ELOVL2: variants seen among roughly 807,000 people sequenced by gnomAD.
ELOVL2 encodes very long chain fatty acid elongase 2.
In ELOVL2, 38 loss-of-function variants were observed where a neutral mutation model predicts 37.7. That is an observed-to-expected ratio of 1.01 (90% CI 0.78 to 1.32). ELOVL2 has a LOEUF of 1.32. Ranked by LOEUF, ELOVL2 falls within the 40% of genes most tolerant of loss-of-function variation. The pLI, the probability that ELOVL2 is intolerant of heterozygous loss-of-function variation, is 0.00. For missense variants in ELOVL2, 352 were observed against 363.6 expected, an observed-to-expected ratio of 0.97 and a Z score of 0.26; for synonymous variants, 115 against 122.3, an observed-to-expected ratio of 0.94 and a Z score of 0.40.
At chr6:11,012,876 G>C (rs762928680) in intron 1 of ELOVL2, among the ~76,000 whole-genome samples, 1 of 152,156 alleles carries the variant, frequency 6.6e-6, no homozygotes, top group Non-Finnish European at 1.5e-5. Flanking sequence ...AGTGGAGAGA[G>C]AGTAATACAC....
At chr6:11,017,373 C>G (rs1782699781) in intron 1 of ELOVL2, among the ~76,000 whole-genome samples, 1 of 152,162 alleles carries the variant, frequency 6.6e-6, no homozygotes, top group African/African-American at 2.4e-5. Flanking sequence ...AGCCTTCAGA[C>G]TGAAGGGTTT....
At chr6:11,022,162 A>G (rs1323064208) in intron 1 of ELOVL2, among the ~76,000 whole-genome samples, 1 of 152,202 alleles carries the variant, frequency 6.6e-6, no homozygotes, top group African/African-American at 2.4e-5. Context: ...AACAGAAAAG[A>G]GGAGAAAGGT....
chr6:11,028,757 G>A (rs1318931311), intron 1 of ELOVL2, among the ~76,000 whole-genome samples: 1 of 151,960 alleles, frequency 6.6e-6, no homozygotes, highest in Non-Finnish European at 1.5e-5. Context: ...ACCAGCCATT[G>A]TACTGGGCAC....
At chr6:11,006,951 C>A (rs1392546780) in intron 2 of ELOVL2, among the ~76,000 whole-genome samples, 1 of 152,218 alleles carries the variant, frequency 6.6e-6, no homozygotes, top group Admixed American at 6.5e-5. Flanking sequence ...ATATGCATAG[C>A]AAGACAATTA....
At chr6:10,990,667 G>GCCCCCCCCCC (rs372558428) in intron 5 of ELOVL2, among the ~76,000 whole-genome samples, 3 of 143,116 alleles carry the variant, frequency 2.1e-5, no homozygotes, top group African/African-American at 7.8e-5. Context: ...TTTTCAGAAT[G>GCCCCCCCCCC]CCCCCCCCCC....
Position 10,989,761 on chromosome 6 carries a change from A to G in ELOVL2, c.707T>C (p.Ile236Thr). 1 of 1,614,190 alleles carries G rather than the reference A, an allele frequency of 6.2e-7. No homozygotes were observed. Among genetic ancestry groups the G allele is most frequent in the Non-Finnish European group, 8.5e-7 (1 of 1,180,000 alleles). Residue 236 changes from isoleucine to threonine, a missense_variant, in exon 7 of 8, where the codon ATC becomes ACC. Transcript: ENST00000354666. ...KPCGFPFGCL[I>T]FQSSYMLTLV... Reference sequence around the variant, plus strand: ...CGTTAGCATATAAGATGACTGGAAGATGAGACAACCGAAGGGGAAGCCACA... The same window carrying G: ...CGTTAGCATATAAGATGACTGGAAGGTGAGACAACCGAAGGGGAAGCCACA...
rs995630399 is a variant in ELOVL2, at chr6:11,044,271, G to T, written c.-41C>A. On this transcript the variant is annotated 5_prime_UTR_variant, in exon 1 of 8. Coordinates refer to ENST00000354666, the MANE Select transcript of ELOVL2 (RefSeq NM_017770.4). This position sits in a 1 kb window ranked among gnomAD's most constrained non-coding sequence, Gnocchi z 5.6. The stretch of plus-strand genomic sequence containing the variant: ...TGGCGCGGCGACCCGGGCGGGCGGC[G>T]ATGCGCTGTCCAGGGTAGCCGGGTC... 1.5e-6 allele frequency: 2 copies of T among 1,317,626 alleles called. No individual in the cohort carries two copies. Among genetic ancestry groups the T allele is most frequent in the African/African-American group, 1.5e-5 (1 of 65,032 alleles). 81.6% of individuals were successfully genotyped at this position (1,317,626 alleles called of 1,614,324 possible).
intron 1 of ELOVL2, among the ~76,000 whole-genome samples, chr6:11,042,001 A>ATTT (rs34988678): frequency 7.4e-6 from 1 of 134,676 alleles, no homozygotes; most frequent in East Asian, 2.1e-4. Context: ...CTCCCTGCCC[A>ATTT]TTTTTTTTTT....
At chr6:10,995,237 C>G (rs1355114034) in intron 4 of ELOVL2, 59 bp from the exon 5 acceptor site, 9 of 1,329,020 alleles carry the variant, frequency 6.8e-6, no homozygotes, top group Non-Finnish European at 9.4e-6. Flanking sequence ...CTGGTGCTGC[C>G]CCACTGCTCG....
chr6:11,000,649 A>G (rs1229995278), intron 3 of ELOVL2, among the ~76,000 whole-genome samples: 1 of 152,182 alleles, frequency 6.6e-6, no homozygotes, highest in African/African-American at 2.4e-5. Flanking sequence ...CATTTTCTTC[A>G]CTGTATTTAT....
rs778570162 is a variant in ELOVL2 at position 10,983,759 on chromosome 6, GT to G, written c.*21del. On this transcript the variant is annotated 3_prime_UTR_variant, in exon 8 of 8. Coordinates refer to ENST00000354666, the MANE Select transcript of ELOVL2 (RefSeq NM_017770.4). ...AAGCCAATCTGTTAGGCTAGTATAT[GT>G]GCTTTTTCTGTTACTCATTTTTATT... The G allele has an allele frequency of 1.9e-6, 3 of 1,593,712 alleles. No homozygotes were observed. The Admixed American group carries it at 5.4e-5, about 29-fold the overall frequency.
intron 2 of ELOVL2, 123 bp from the exon 3 acceptor site, chr6:11,005,682 G>T (rs979724760): frequency 3.8e-6 from 3 of 782,516 alleles, no homozygotes; most frequent in African/African-American, 3.5e-5. Flanking sequence ...TACAACATTA[G>T]GTAGGCTGGC....
chr6:10,986,618 T>C (rs1014088358), intron 7 of ELOVL2, among the ~76,000 whole-genome samples: 46 of 152,324 alleles, frequency 3.0e-4, no homozygotes, highest in Non-Finnish European at 5.6e-4. Context: ...ATGTGGTTTT[T>C]GTCTTTGGTT....
intron 1 of ELOVL2, among the ~76,000 whole-genome samples, chr6:11,022,160 AGAG>A (rs1782773682): frequency 6.7e-6 from 1 of 149,964 alleles, no homozygotes; most frequent in African/African-American, 2.5e-5. Flanking sequence ...AGAACAGAAA[AGAG>A]GAGAAAGGTA....
intron 5 of ELOVL2, among the ~76,000 whole-genome samples, chr6:10,994,483 A>AGGAAAAG (rs1554111122): frequency 4.8e-5 from 7 of 146,092 alleles, no homozygotes. Flanking sequence ...AAAAAAAAAA[A>AGGAAAAG]GAACAAATAT....
At chr6:11,020,824 C>T (rs921635043) in intron 1 of ELOVL2, among the ~76,000 whole-genome samples, 6 of 152,134 alleles carry the variant, frequency 3.9e-5, no homozygotes, top group Admixed American at 1.3e-4. Flanking sequence ...CAGTGACAAA[C>T]TCATTATTTT....
intron 7 of ELOVL2, among the ~76,000 whole-genome samples, chr6:10,984,581 A>G (rs1581854927): frequency 7.2e-6 from 1 of 139,022 alleles, no homozygotes; most frequent in Non-Finnish European, 1.5e-5. Flanking sequence ...TCATTGTTCA[A>G]TTCCCACCTA....
chr6:11,027,032 G>A (rs1262747658), intron 1 of ELOVL2, among the ~76,000 whole-genome samples: 3 of 151,934 alleles, frequency 2.0e-5, no homozygotes, highest in Non-Finnish European at 4.4e-5. Flanking sequence ...CATGTTTTTC[G>A]ATATATCTCT....
chr6:10,985,943 T>C (rs929728235), intron 7 of ELOVL2, among the ~76,000 whole-genome samples: 3 of 152,140 alleles, frequency 2.0e-5, no homozygotes, highest in Non-Finnish European at 4.4e-5. Context: ...TTGGGCAGTA[T>C]GGCCATTTTC....
Sources: gnomAD v4.1 joint callset for allele counts (sites outside exome capture counted in the v4.1 genomes callset) on GRCh38, gnomAD v4.1.1 for gene constraint, Gnocchi (gnomAD v3.1) non-coding constraint, MANE v1.5 for transcripts, NCBI Gene and HGNC (gene_info 2026-07-23, HGNC 2026-07-21) for gene names.